BBS4: variants seen among roughly 807,000 people sequenced by gnomAD.
The protein encoded by BBS4 is Bardet-Biedl syndrome 4.
BBS4 carries 58 observed loss-of-function variants against 71.4 expected under a neutral mutation model. That is an observed-to-expected ratio of 0.81 (90% CI 0.66 to 1.01). BBS4 has a LOEUF of 1.01. BBS4 is among the 50% of genes least tolerant of loss of function. BBS4 has a pLI of 0.00. For missense variants in BBS4, 660 were observed against 607.9 expected (o/e 1.09, Z -0.90); for synonymous variants, 228 against 216.8 (o/e 1.05, Z -0.46).
At chr15:72,736,292 A>G (rs1183966076) in intron 14 of BBS4, among the ~76,000 whole-genome samples, 1 of 127,156 alleles carries the variant, frequency 7.9e-6, no homozygotes, top group African/African-American at 3.1e-5. Flanking sequence ...CCCAGGCTGG[A>G]GTGCAATGGC....
chr15:72,698,121 A>G (rs1270268728), intron 2 of BBS4: 2 of 446,790 alleles, frequency 4.5e-6, no homozygotes, highest in South Asian at 3.1e-5. Context: ...TGGGGTGGCC[A>G]TAGCTGAGGA....
At chr15:72,701,075 A>G (rs1276578058) in intron 2 of BBS4, among the ~76,000 whole-genome samples, 1 of 152,214 alleles carries the variant, frequency 6.6e-6, no homozygotes, top group Non-Finnish European at 1.5e-5. Flanking sequence ...ATTAAGGTAT[A>G]GAATATTATC....
intron 1 of BBS4, among the ~76,000 whole-genome samples, chr15:72,690,729 A>G (rs1279569286): frequency 2.0e-5 from 3 of 152,148 alleles, no homozygotes; most frequent in Non-Finnish European, 4.4e-5. Context: ...TCCTGTGTCA[A>G]TGGAATTGCT....
At chr15:72,713,645 A>ATATGC in intron 4 of BBS4, among the ~76,000 whole-genome samples, 1 of 152,342 alleles carries the variant, frequency 6.6e-6, no homozygotes, top group South Asian at 2.1e-4. Context: ...TTCTATATAT[A>ATATGC]TGTAATTGTA....
chr15:72,688,117 T>C (rs1055288038), intron 1 of BBS4, among the ~76,000 whole-genome samples: 6 of 143,482 alleles, frequency 4.2e-5, no homozygotes, highest in African/African-American at 1.5e-4. Flanking sequence ...ATGGGTAACA[T>C]AACATTGCTA....
intron 14 of BBS4, among the ~76,000 whole-genome samples, chr15:72,736,373 CTGGGACTACAGGCGCGT>C: frequency 6.6e-6 from 1 of 151,818 alleles, no homozygotes; most frequent in South Asian, 2.1e-4. Context: ...TTCCAAGTAG[CTGGGACTACAGGCGCGT>C]GCCACCACGC....
chr15:72,696,014 T>A (rs1224511530), intron 2 of BBS4, among the ~76,000 whole-genome samples: 1 of 152,226 alleles, frequency 6.6e-6, no homozygotes, highest in Non-Finnish European at 1.5e-5. Flanking sequence ...TAGTGTTCTG[T>A]ATATACTTAC....
chr15:72,698,146 A>G, intron 2 of BBS4: 1 of 412,468 alleles, frequency 2.4e-6, no homozygotes, highest in Non-Finnish European at 5.0e-6. Flanking sequence ...TTTTGTCCAC[A>G]ACCTGAGACA....
intron 4 of BBS4, among the ~76,000 whole-genome samples, chr15:72,713,314 G>GAGACACAC (rs1555499569): frequency 7.0e-6 from 1 of 143,442 alleles, no homozygotes. Context: ...AGGTCTTTGT[G>GAGACACAC]ACACACACAC....
rs1483247028 is a variant in BBS4, at chr15:72,709,466, A to G, written c.77-234A>G. 3.3e-5 allele frequency among the ~76,000 whole-genome samples: 5 copies of G among 152,216 alleles called. No homozygotes were observed. The East Asian group carries it at 9.6e-4, about 29-fold the overall frequency. On this transcript the variant is annotated intron_variant, in intron 2 of 15. Coordinates refer to ENST00000268057, the MANE Select transcript of BBS4 (RefSeq NM_033028.5). ...CCAGTCATTATTTGATGAGAAACTG[A>G]TATTACAAGCTTTAAAAACTCAAGA...
At chr15:72,710,475 C>T (rs2065349112) in intron 3 of BBS4, among the ~76,000 whole-genome samples, 1 of 152,162 alleles carries the variant, frequency 6.6e-6, no homozygotes, top group South Asian at 2.1e-4. Flanking sequence ...GCTGGGATTA[C>T]AGGCGTGAGC....
rs1222067554 is a variant in BBS4 at position 72,735,122 on chromosome 15, C to T, written c.1046C>T (p.Thr349Ile). Reference protein sequence around the residue: ...ELYMLLAVALTNLEDIENAKR... With the variant: ...ELYMLLAVALINLEDIENAKR... ...GCTTTCTTTGTTGCAGTGGCTCTGA[C>T]CAATCTGGAAGATATAGAAAATGCC... The change falls in exon 13 of 16, where the codon ACC becomes ATC. Residue 349 changes from threonine to isoleucine, a missense_variant. By Grantham distance (89) the Thr-to-Ile change is moderately conservative. Transcript: ENST00000268057. 6.2e-7 allele frequency: 1 copy of T among 1,613,370 alleles called. No homozygotes were observed. Among genetic ancestry groups the T allele is most frequent in the Non-Finnish European group, 8.5e-7 (1 of 1,179,522 alleles).
At chr15:72,717,843 T>C (rs2065494162) in intron 6 of BBS4, among the ~76,000 whole-genome samples, 1 of 76,788 alleles carries the variant, frequency 1.3e-5, no homozygotes, top group Admixed American at 1.7e-4. Context: ...CTCTGTGTCC[T>C]TTTCTTTGTG....
chr15:72,710,305 A>G (rs1193550559), intron 3 of BBS4, among the ~76,000 whole-genome samples: 2 of 148,356 alleles, frequency 1.3e-5, no homozygotes, highest in East Asian at 4.0e-4. Flanking sequence ...GGTTCAAGCA[A>G]TTCTTCTGCC....
intron 7 of BBS4, among the ~76,000 whole-genome samples, chr15:72,724,172 C>T (rs888914858): frequency 6.6e-6 from 1 of 152,178 alleles, no homozygotes; most frequent in African/African-American, 2.4e-5. Context: ...TGCACTTGGT[C>T]AGTGTTACAG....
rs574868161 is a variant in BBS4 at position 72,729,636 on chromosome 15, A to G, written c.663A>G (p.Ala221=). Residue 221 remains alanine, a synonymous_variant, in exon 10 of 16, where the codon GCA becomes GCG. Coordinates refer to ENST00000268057, the MANE Select transcript of BBS4 (RefSeq NM_033028.5). The part of the protein sequence containing the change: ...LYLQLGIYQK[A]FEHLGNALTY... The stretch of plus-strand genomic sequence containing the variant: ...CCAAGCTCGGCATTTACCAGAAGGC[A>G]TTTGAACATCTTGGCAATGCACTGA... 14 of 1,614,076 alleles carry G rather than the reference A, an allele frequency of 8.7e-6. No individual in the cohort carries two copies. The Admixed American group carries it at 1.8e-4, about 21-fold the overall frequency.
chr15:72,700,977 T>C (rs1595912326), intron 2 of BBS4, among the ~76,000 whole-genome samples: 1 of 152,128 alleles, frequency 6.6e-6, no homozygotes, highest in African/African-American at 2.4e-5. Context: ...TATTGAAATA[T>C]ATATACAGAA....
intron 2 of BBS4, 67 bp downstream of exon 2, chr15:72,695,295 ATTT>A: frequency 4.1e-6 from 4 of 978,204 alleles, no homozygotes; most frequent in Non-Finnish European, 4.4e-6. Flanking sequence ...TTATTTATTT[ATTT>A]TTTTTTTTGG....
At chr15:72,686,472 C>G in intron 1 of BBS4, 1 of 1,530,056 alleles carries the variant, frequency 6.5e-7, no homozygotes, top group Non-Finnish European at 8.7e-7. Context: ...GACTGTAGTC[C>G]CTCTTGGGGT....
Sources: gnomAD v4.1 joint callset for allele counts (sites outside exome capture counted in the v4.1 genomes callset) on GRCh38, gnomAD v4.1.1 for gene constraint, MANE v1.5 for transcripts, NCBI Gene and HGNC (gene_info 2026-07-23, HGNC 2026-07-21) for gene names.